Variants in PRPF39 observed in about 807,000 individuals in gnomAD.
The protein encoded by PRPF39 is pre-mRNA-processing factor 39.
Under a neutral mutation model 82.1 loss-of-function variants are expected in PRPF39, and 27 were observed. The observed-to-expected ratio is 0.33, with a 90% CI of 0.24 to 0.45. The LOEUF (loss-of-function observed/expected upper bound fraction) is 0.45, where lower values mean the gene tolerates loss of function less well. Among genes scored for constraint, PRPF39 ranks in the 20% least tolerant of loss-of-function variants. The pLI is 1.00. For synonymous variants in PRPF39, 261 were observed against 256.4 expected (o/e 1.02, Z -0.17); for missense variants, 581 against 796.9 (o/e 0.73, Z 3.26).
Position 45,114,993 on chromosome 14 carries a change from T to C in PRPF39, c.*80T>C. 8.7e-7 allele frequency: 1 copy of C among 1,143,554 alleles called. No homozygotes were observed. Among genetic ancestry groups the C allele is most frequent in the East Asian group, 2.4e-5 (1 of 41,480 alleles). 70.8% of individuals were successfully genotyped at this position (1,143,554 alleles called of 1,614,324 possible). ...TTTTTAATGAGGGATGTAAACAGTA[T>C]AAGCTTGTTGTATTTGATAACCTGT... is the stretch of plus-strand genomic sequence containing the variant. On this transcript the variant is annotated 3_prime_UTR_variant, in exon 14 of 14. Transcript: ENST00000355765.
chr14:45,093,990 C>T (rs1156547417), intron 1 of PRPF39, among the ~76,000 whole-genome samples: 2 of 152,068 alleles, frequency 1.3e-5, no homozygotes, highest in African/African-American at 4.8e-5. Context: ...TTGGTACACT[C>T]ATTATTTTGA....
At chr14:45,107,958 G>A (rs1161700995) in intron 6 of PRPF39, among the ~76,000 whole-genome samples, 1 of 152,110 alleles carries the variant, frequency 6.6e-6, no homozygotes, top group African/African-American at 2.4e-5. Flanking sequence ...TAGTGCAGAA[G>A]AAACTGGACC....
At position 45,095,757 on chromosome 14, in the gene PRPF39, G is replaced by A. The variant is rs147374972; in HGVS notation, c.324+194G>A. ...TTGTATGTTGTAGAGAGTCAGTAGT[G>A]TCAAAGCTTAATGTTTTGTAATAAT... is the stretch of plus-strand genomic sequence containing the variant. On this transcript the variant is annotated intron_variant, in intron 2 of 13. Transcript: ENST00000355765. 1.1e-5 allele frequency: 8 copies of A among 721,026 alleles called. No individual in the cohort carries two copies. The East Asian group carries it at 1.4e-4, about 13-fold the overall frequency. 44.7% of individuals were successfully genotyped at this position (721,026 alleles called of 1,614,324 possible).
chr14:45,108,327 G>T, intron 6 of PRPF39, 88 bp from the exon 7 acceptor site: 1 of 1,347,954 alleles, frequency 7.4e-7, no homozygotes, highest in Non-Finnish European at 9.6e-7. Flanking sequence ...TAAAATATCT[G>T]TGAATAATAC....
At chr14:45,085,032 C>G (rs1883776931) in intron 1 of PRPF39, among the ~76,000 whole-genome samples, 1 of 152,062 alleles carries the variant, frequency 6.6e-6, no homozygotes, top group Admixed American at 6.6e-5. Flanking sequence ...TATTTAGCAA[C>G]TGATTTAATC....
chr14:45,087,412 A>AT (rs973670454), intron 1 of PRPF39, among the ~76,000 whole-genome samples: 56 of 151,412 alleles, frequency 3.7e-4, no homozygotes, highest in Middle Eastern at 3.2e-3. Flanking sequence ...AGAGTGTATT[A>AT]TTTTTTTTGA....
In PRPF39 at chr14:45,095,563, G is replaced by A; in HGVS notation, c.324G>A (p.Glu108=). 6.3e-7 allele frequency: 1 copy of A among 1,583,512 alleles called. No individual in the cohort carries two copies. Among genetic ancestry groups the A allele is most frequent in the Non-Finnish European group, 8.6e-7 (1 of 1,164,736 alleles). Residue 108 remains glutamate, a splice_region_variant and synonymous_variant, in exon 2 of 14, where the codon GAG becomes GAA. Coordinates refer to ENST00000355765, the MANE Select transcript of PRPF39 (RefSeq NM_017922.4). The part of the protein sequence containing the change: ...WVYLLQYVEQ[E]NHLMAARKAF... ...ATTTGCTTCAATATGTAGAACAGGA[G>A]GTTAGTAACTATTAAAATGGTATCA... is the stretch of plus-strand genomic sequence containing the variant.
intron 10 of PRPF39, among the ~76,000 whole-genome samples, chr14:45,112,002 G>A (rs184205145): frequency 6.6e-6 from 1 of 151,896 alleles, no homozygotes; most frequent in East Asian, 1.9e-4. Context: ...TTTTTTTTAT[G>A]TTTTGTTTTC....
At chr14:45,113,219 T>C (rs1884744406) in intron 11 of PRPF39, among the ~76,000 whole-genome samples, 1 of 152,346 alleles carries the variant, frequency 6.6e-6, no homozygotes, top group East Asian at 1.9e-4. Flanking sequence ...TGTGTATATA[T>C]TTTTGATGGC....
intron 10 of PRPF39, among the ~76,000 whole-genome samples, chr14:45,111,503 T>G (rs1884694684): frequency 6.6e-6 from 1 of 151,916 alleles, no homozygotes; most frequent in Non-Finnish European, 1.5e-5. Flanking sequence ...TCCGGCTGAT[T>G]TTTGTATTTT....
intron 5 of PRPF39, among the ~76,000 whole-genome samples, chr14:45,103,014 T>G (rs74976717): frequency 0.027 from 4,155 of 152,244 alleles, 94 homozygotes; most frequent in Middle Eastern, 0.048. Flanking sequence ...AGTTGAGTTA[T>G]TTATTTATGG....
intron 7 of PRPF39, among the ~76,000 whole-genome samples, chr14:45,108,968 A>C (rs749600056): frequency 6.6e-6 from 1 of 152,186 alleles, no homozygotes; most frequent in Non-Finnish European, 1.5e-5. Flanking sequence ...AGTTCTTAGT[A>C]TATTCACAGA....
chr14:45,085,319 A>C (rs1883788114), intron 1 of PRPF39, among the ~76,000 whole-genome samples: 1 of 152,242 alleles, frequency 6.6e-6, no homozygotes, highest in South Asian at 2.1e-4. Context: ...ACTAGTACTT[A>C]GATTGTGAAC....
chr14:45,112,514 G>C lies in PRPF39; in HGVS notation c.1757+12G>C. On this transcript the variant is annotated intron_variant, in intron 11 of 13. Transcript: ENST00000355765. ...TCCGATGTTAATAAGTAAGATATTA[G>C]TTATATTACCTATTTGAATGATAAA... 1 of 1,455,746 alleles carries C rather than the reference G, an allele frequency of 6.9e-7. No homozygotes were observed. The highest frequency in any genetic ancestry group is 1.6e-5 in the South Asian group (1 of 64,492). 90.2% of individuals were successfully genotyped at this position (1,455,746 alleles called of 1,614,324 possible).
chr14:45,084,442 G>GT (rs1236725565), intron 1 of PRPF39, among the ~76,000 whole-genome samples, 193 bp downstream of exon 1: 1 of 152,164 alleles, frequency 6.6e-6, no homozygotes, highest in East Asian at 1.9e-4. Context: ...GCGGTGCAAG[G>GT]TATTTTTTTC....
At position 45,110,103 on chromosome 14, in the gene PRPF39, T is replaced by C; in HGVS notation, c.1186T>C (p.Tyr396His). The C allele has an allele frequency of 1.9e-6, 3 of 1,613,446 alleles. No homozygotes were observed. Among genetic ancestry groups the C allele is most frequent in the Non-Finnish European group, 2.5e-6 (3 of 1,179,494 alleles). ...TCTTTTCTGTATGTAGTATGCCAAGTACATGGAAAACCATAGCATTGAAGG... is the reference window on the plus strand; with the variant it reads ...TCTTTTCTGTATGTAGTATGCCAAGCACATGGAAAACCATAGCATTGAAGG... ...YEEFWIKYAK[Y>H]MENHSIEGVR... The change falls in exon 9 of 14, where the codon TAC (tyrosine) becomes CAC (histidine). Residue 396 changes from tyrosine to histidine, a missense_variant. By Grantham distance (83) the Tyr-to-His change is moderately conservative (BLOSUM62 2). Transcript: ENST00000355765. This position sits in a 1 kb window ranked among gnomAD's most constrained non-coding sequence, Gnocchi z 4.0.
At chr14:45,105,708 G>A (rs184920887) in intron 5 of PRPF39, among the ~76,000 whole-genome samples, 382 of 151,578 alleles carry the variant, frequency 2.5e-3, no homozygotes, top group South Asian at 6.7e-3. Flanking sequence ...TGTATTTTTG[G>A]TACAGATGGG....
chr14:45,112,317 G>A lies in PRPF39; in HGVS notation c.1573-1G>A. 6.4e-7 allele frequency: 1 copy of A among 1,552,628 alleles called. No homozygotes were observed. The highest frequency in any genetic ancestry group is 8.6e-7 in the Non-Finnish European group (1 of 1,160,498). ...ATTCATTGATGCTGCTTTTTACACA[G>A]GAGAACACAAAGTTATACCTCAATT... is the stretch of plus-strand genomic sequence containing the variant. On this transcript the variant is annotated splice_acceptor_variant, in intron 10 of 13. Transcript: ENST00000355765. LOFTEE classifies it high-confidence loss of function.
In PRPF39 at chr14:45,115,833, A is replaced by T. The variant is rs1884820113; in HGVS notation, c.*920A>T. 6.0e-6 allele frequency: 1 copy of T among 165,686 alleles called. No homozygotes were observed. Among genetic ancestry groups the T allele is most frequent in the Non-Finnish European group, 1.3e-5 (1 of 76,450 alleles). 10.3% of individuals were successfully genotyped at this position (165,686 alleles called of 1,614,324 possible). ...TTACTGGGAGTTACTCCCTGGTTTGATGAGGTCCTTAGTTCCAATTCCCTA... is the reference window on the plus strand; with the variant it reads ...TTACTGGGAGTTACTCCCTGGTTTGTTGAGGTCCTTAGTTCCAATTCCCTA... On this transcript the variant is annotated 3_prime_UTR_variant, in exon 14 of 14. Transcript: ENST00000355765.
Sources: allele counts gnomAD v4.1 joint callset (sites outside exome capture counted in the v4.1 genomes callset), GRCh38; gene constraint gnomAD v4.1.1; non-coding constraint Gnocchi (gnomAD v3.1); transcripts MANE v1.5; gene names NCBI Gene and HGNC (gene_info 2026-07-23, HGNC 2026-07-21).